The following NT5DC1 variants were observed in gnomAD, a reference collection of about 807,000 sequenced individuals.
NT5DC1 encodes the protein 5'-nucleotidase domain containing 1, also known as 5'-nucleotidase domain-containing protein 1.
NT5DC1 carries 42 observed loss-of-function variants against 59.4 expected under a neutral mutation model. The observed-to-expected ratio is 0.71, with a 90% CI of 0.55 to 0.92. The LOEUF (loss-of-function observed/expected upper bound fraction) is 0.92. Ranked by LOEUF, NT5DC1 falls within the 40% of genes least tolerant of loss-of-function variation. The pLI is 0.00. For missense variants in NT5DC1, 501 were observed against 537.1 expected, an observed-to-expected ratio of 0.93 and a Z score of 0.66; for synonymous variants, 172 against 188.1, an observed-to-expected ratio of 0.91 and a Z score of 0.70.
chr6:116,131,620 A>G (rs1220051351), intron 6 of NT5DC1, among the ~76,000 whole-genome samples: 1 of 152,116 alleles, frequency 6.6e-6, no homozygotes, highest in Non-Finnish European at 1.5e-5. Flanking sequence ...TTTTTCAACC[A>G]TTGCCCTATA....
At chr6:116,178,604 C>A (rs1780804259) in intron 6 of NT5DC1, among the ~76,000 whole-genome samples, 2 of 152,194 alleles carry the variant, frequency 1.3e-5, no homozygotes, top group South Asian at 4.1e-4. Flanking sequence ...CCACCTTTTA[C>A]TCTGAAGAAT....
chr6:116,142,590 T>A (rs1392042707), intron 6 of NT5DC1, among the ~76,000 whole-genome samples: 5 of 142,122 alleles, frequency 3.5e-5, no homozygotes, highest in African/African-American at 1.5e-4. Flanking sequence ...TGGTAAAAAC[T>A]GTGTTTTTTC....
intron 2 of NT5DC1, 97 bp from the exon 3 acceptor site, chr6:116,108,266 TC>T: frequency 1.3e-6 from 1 of 757,236 alleles, no homozygotes; most frequent in South Asian, 1.5e-5. Flanking sequence ...GGTGGCAGAA[TC>T]CCTTTTTAGC....
intron 6 of NT5DC1, among the ~76,000 whole-genome samples, chr6:116,138,657 ATAG>A (rs1233123836): frequency 6.6e-6 from 1 of 152,216 alleles, no homozygotes; most frequent in Non-Finnish European, 1.5e-5. Flanking sequence ...AAAAGGCAGA[ATAG>A]TATGACTAAA....
At chr6:116,150,650 T>G (rs1342262403) in intron 6 of NT5DC1, among the ~76,000 whole-genome samples, 1 of 152,190 alleles carries the variant, frequency 6.6e-6, no homozygotes, top group East Asian at 1.9e-4. Flanking sequence ...AGAGTGAGTT[T>G]TAGGTACTTT....
intron 8 of NT5DC1, among the ~76,000 whole-genome samples, chr6:116,227,242 GGCTTA>G (rs1361616572): frequency 2.6e-5 from 4 of 151,938 alleles, no homozygotes; most frequent in Non-Finnish European, 5.9e-5. Flanking sequence ...TTCTGTGCCT[GGCTTA>G]TTTTGCTTAA....
At chr6:116,164,911 G>A (rs779866218) in intron 6 of NT5DC1, among the ~76,000 whole-genome samples, 5 of 151,766 alleles carry the variant, frequency 3.3e-5, no homozygotes, top group African/African-American at 4.8e-5. Flanking sequence ...GTGAAACCCC[G>A]TCTCTACTAA....
Position 116,120,388 on chromosome 6 carries a change from A to G in NT5DC1, c.529+2443A>G, listed in dbSNP as rs147134977. ...TTGGGTCATAATGCTGTTGCCTGTT[A>G]TACAAAATTTTATCAAATGGTATGG... On this transcript the variant is annotated intron_variant, in intron 6 of 11. Transcript: ENST00000319550. 1.1e-5 allele frequency: 17 copies of G among 1,614,136 alleles called. No homozygotes were observed. The highest frequency in any genetic ancestry group is 3.3e-4 in the Middle Eastern group (2 of 6,084).
rs79660757 is a variant in NT5DC1 at position 116,202,477 on chromosome 6, A to G, written c.530-18577A>G. 5.0e-3 allele frequency among the ~76,000 whole-genome samples: 757 copies of G among 152,134 alleles called. 3 individuals are homozygous for G. Among genetic ancestry groups the G allele is most frequent in the Non-Finnish European group, 5.7e-3 (386 of 67,928 alleles). On this transcript the variant is annotated intron_variant, in intron 6 of 11. Transcript: ENST00000319550. ...CCCATATGTTCTTGATTCCACCTTT[A>G]AGAGTTTCAACCTTTAGAAAATTAT...
At chr6:116,235,035 G>GTTTTTTTTT (rs60150533) in intron 8 of NT5DC1, among the ~76,000 whole-genome samples, 1 of 131,830 alleles carries the variant, frequency 7.6e-6, no homozygotes, top group Non-Finnish European at 1.6e-5. Context: ...CTTGATTTGG[G>GTTTTTTTTT]TTTTTTTTTT....
chr6:116,135,532 T>A (rs1051361916), intron 6 of NT5DC1, among the ~76,000 whole-genome samples: 1 of 151,898 alleles, frequency 6.6e-6, no homozygotes, highest in African/African-American at 2.4e-5. Flanking sequence ...TTTTTCTCAT[T>A]AAAATCTTAG....
intron 6 of NT5DC1, among the ~76,000 whole-genome samples, chr6:116,212,566 C>T (rs1434895467): frequency 6.6e-6 from 1 of 152,064 alleles, no homozygotes; most frequent in Non-Finnish European, 1.5e-5. Context: ...GATATCTGAA[C>T]TAAATTAATT....
At chr6:116,150,006 C>G (rs1004869973) in intron 6 of NT5DC1, among the ~76,000 whole-genome samples, 3 of 152,284 alleles carry the variant, frequency 2.0e-5, no homozygotes, top group African/African-American at 4.8e-5. Flanking sequence ...CATCTGCCCC[C>G]CAAAGTACTG....
intron 6 of NT5DC1, among the ~76,000 whole-genome samples, chr6:116,165,868 A>G (rs563604192): frequency 6.6e-6 from 1 of 152,324 alleles, no homozygotes; most frequent in East Asian, 1.9e-4. Flanking sequence ...GATTGCAACA[A>G]CTTGGGCTGA....
intron 6 of NT5DC1, among the ~76,000 whole-genome samples, chr6:116,180,027 T>C (rs1426124816): frequency 2.6e-5 from 4 of 152,156 alleles, no homozygotes; most frequent in Admixed American, 2.6e-4. Flanking sequence ...ATCTTGTTTT[T>C]TATTGCAAAA....
intron 6 of NT5DC1, among the ~76,000 whole-genome samples, chr6:116,172,317 C>CTTTTT (rs71554843): frequency 7.4e-5 from 8 of 108,026 alleles, no homozygotes; most frequent in Non-Finnish European, 1.1e-4. Context: ...CCCTTAGTAA[C>CTTTTT]TTTTTTTTTT....
intron 6 of NT5DC1, among the ~76,000 whole-genome samples, chr6:116,211,759 A>G (rs1781583560): frequency 6.6e-6 from 1 of 152,028 alleles, no homozygotes; most frequent in African/African-American, 2.4e-5. Context: ...CGACTATAAC[A>G]AAGGGAGGGA....
intron 6 of NT5DC1, chr6:116,119,831 T>C: frequency 4.6e-6 from 2 of 437,880 alleles, no homozygotes; most frequent in Non-Finnish European, 4.0e-6. Flanking sequence ...TTTTTTAATA[T>C]TGGAGAAAAC....
In NT5DC1 at chr6:116,106,343, CTTTT is replaced by C. The variant is rs56295720; in HGVS notation, c.185+24_185+27del. 2,349 of 774,226 alleles carry C rather than the reference CTTTT, an allele frequency of 3.0e-3. No individual in the cohort carries two copies. Among genetic ancestry groups the C allele is most frequent in the Admixed American group, 4.4e-3 (177 of 39,884 alleles). The allele number at this position is 774,226 out of a possible 1,614,324, so 48.0% of individuals were successfully genotyped here. ...AGAGGATTGGGATTTCTGGTAAGTTCTTTTTTTTTTTTTTTTTTTAAGTCTGTAC... is the reference window on the plus strand; with the variant it reads ...AGAGGATTGGGATTTCTGGTAAGTTCTTTTTTTTTTTTTTTAAGTCTGTAC... On this transcript the variant is annotated intron_variant, in intron 2 of 11. Coordinates refer to ENST00000319550, the MANE Select transcript of NT5DC1 (RefSeq NM_152729.3).
Sources: allele counts gnomAD v4.1 joint callset (sites outside exome capture counted in the v4.1 genomes callset), GRCh38; gene constraint gnomAD v4.1.1; transcripts MANE v1.5; gene names NCBI Gene and HGNC (gene_info 2026-07-23, HGNC 2026-07-21).